Variants in NCOA1 observed in about 807,000 individuals in gnomAD.
NCOA1 encodes the protein Hin-2 protein.
NCOA1 carries 35 observed loss-of-function variants against 150.9 expected under a neutral mutation model. That is an observed-to-expected ratio of 0.23 (90% CI 0.18 to 0.31). NCOA1 has a LOEUF of 0.31. NCOA1 is among the 10% of genes least tolerant of loss of function. NCOA1 has a pLI of 1.00. For missense variants in NCOA1, 1,491 were observed against 1,749.3 expected (o/e 0.85, Z 2.63); for synonymous variants, 590 against 630.0 (o/e 0.94, Z 0.95).
intron 1 of NCOA1, among the ~76,000 whole-genome samples, chr2:24,519,737 G>A (rs954454151): frequency 3.3e-5 from 5 of 151,980 alleles, no homozygotes; most frequent in African/African-American, 9.7e-5. Context: ...TGAGATGGGA[G>A]GATTGTTTGT....
chr2:24,761,781 C>A (rs1340516290), intron 21 of NCOA1, among the ~76,000 whole-genome samples: 27 of 152,238 alleles, frequency 1.8e-4, no homozygotes, highest in South Asian at 1.0e-3. Context: ...TTGTTTACTG[C>A]GACCAAAGCA....
intron 7 of NCOA1, among the ~76,000 whole-genome samples, chr2:24,679,807 C>T (rs1346243978): frequency 2.0e-5 from 3 of 152,098 alleles, no homozygotes; most frequent in Non-Finnish European, 2.9e-5. Context: ...TTATTAATCA[C>T]GTCCCTATCT....
chr2:24,604,531 A>G (rs1558831264), intron 3 of NCOA1, among the ~76,000 whole-genome samples: 2 of 152,214 alleles, frequency 1.3e-5, no homozygotes, highest in African/African-American at 4.8e-5. Context: ...TTCACCTTGC[A>G]CTTTTATGTT....
At chr2:24,575,226 C>T (rs1240488778) in intron 2 of NCOA1, among the ~76,000 whole-genome samples, 1 of 151,966 alleles carries the variant, frequency 6.6e-6, no homozygotes. Context: ...ATTGCTATAT[C>T]TTTAAGTTAA....
At chr2:24,711,194 A>T (rs1393978114) in intron 14 of NCOA1, 83 bp downstream of exon 14, 1 of 1,321,728 alleles carries the variant, frequency 7.6e-7, no homozygotes, top group Non-Finnish European at 1.0e-6. Flanking sequence ...TATTACACAG[A>T]TCCTTTGCTT....
In NCOA1 at chr2:24,498,015, C is replaced by T. The variant is rs1446026735; in HGVS notation, c.-396+6413C>T. Among the ~76,000 whole-genome samples, 6 of 152,134 alleles carry T rather than the reference C, an allele frequency of 3.9e-5. 1 individual carries two copies. Among genetic ancestry groups the T allele is most frequent in the Admixed American group, 3.9e-4 (6 of 15,274 alleles). ...ATTTGATTATTTAACAGTAGGTATT[C>T]TATTGTGAATGTATGTATGTATATA... On this transcript the variant is annotated intron_variant, in intron 1 of 22. Coordinates refer to ENST00000348332, the MANE Select transcript of NCOA1 (RefSeq NM_003743.5).
At chr2:24,582,196 A>G (rs182021815) in intron 2 of NCOA1, among the ~76,000 whole-genome samples, 2 of 152,338 alleles carry the variant, frequency 1.3e-5, no homozygotes, top group Admixed American at 1.3e-4. Context: ...ATGATCTTAT[A>G]TATAGAAAAA....
intron 10 of NCOA1, 55 bp downstream of exon 10, chr2:24,693,402 CTT>C: frequency 7.1e-7 from 1 of 1,405,738 alleles, no homozygotes; most frequent in Non-Finnish European, 1.0e-6. Context: ...TGACTCTGCC[CTT>C]AAAACTAATT....
chr2:24,643,993 G>GT lies in NCOA1; in HGVS notation c.-146dup, dbSNP rs1279977776. The GT allele has an allele frequency of 1.3e-5, 2 of 152,044 alleles. No homozygotes were observed. Among genetic ancestry groups the GT allele is most frequent in the African/African-American group, 4.8e-5 (2 of 41,384 alleles). 9.4% of individuals were successfully genotyped at this position (152,044 alleles called of 1,614,324 possible). ...GTTTATATAATTGGCCTTAAATGAG[G>GT]TGAGAGTGAAGAGACTAGAGCCATC... is the stretch of plus-strand genomic sequence containing the variant. On this transcript the variant is annotated 5_prime_UTR_variant, in exon 4 of 23. An upstream open reading frame in the 5' UTR loses its in-frame stop. Coordinates refer to ENST00000348332, the MANE Select transcript of NCOA1 (RefSeq NM_003743.5).
intron 8 of NCOA1, among the ~76,000 whole-genome samples, chr2:24,687,642 A>C (rs539416258): frequency 6.6e-6 from 1 of 152,262 alleles, no homozygotes; most frequent in South Asian, 2.1e-4. Flanking sequence ...GGAGAGAGAG[A>C]GAGCAAAGGA....
chr2:24,562,909 A>G (rs1430922366), intron 1 of NCOA1, among the ~76,000 whole-genome samples: 1 of 152,214 alleles, frequency 6.6e-6, no homozygotes, highest in Non-Finnish European at 1.5e-5. Context: ...TGAATGACAA[A>G]TTGAAGAAGA....
chr2:24,570,051 C>CT (rs71397440), intron 2 of NCOA1, among the ~76,000 whole-genome samples: 14,594 of 122,076 alleles, frequency 0.12, 1,041 homozygotes, highest in East Asian at 0.2. Flanking sequence ...GTGGTATATA[C>CT]TTTTTTTTTT....
At position 24,741,916 on chromosome 2, in the gene NCOA1, C is replaced by T. The variant is rs759216369; in HGVS notation, c.3436C>T (p.Pro1146Ser). The change falls in exon 19 of 23, where the codon CCC becomes TCC. Residue 1146 changes from proline to serine, a missense_variant. Physicochemically the swap from Pro to Ser is moderately conservative, Grantham distance 74. This residue lies in a region of NCOA1 where 485 missense variants were observed against 522.8 expected (regional missense o/e 0.93). Transcript: ENST00000348332. ...RQQSFGNNLPPSSGLPVQMGN... is the reference protein window; with the variant it reads ...RQQSFGNNLPSSSGLPVQMGN... ...GCAAAGCTTTGGGAACAACCTCCCT[C>T]CCTCATCTGGACTACCAGTTCAAAT... 14 of 1,614,106 alleles carry T rather than the reference C, an allele frequency of 8.7e-6. No individual in the cohort carries two copies. The highest frequency in any genetic ancestry group is 4.0e-5 in the African/African-American group (3 of 74,930).
intron 14 of NCOA1, among the ~76,000 whole-genome samples, chr2:24,717,709 G>A (rs1329706984): frequency 6.6e-6 from 1 of 152,088 alleles, no homozygotes; most frequent in Non-Finnish European, 1.5e-5. Flanking sequence ...CACAAAGAGT[G>A]AACTCTAATG....
intron 1 of NCOA1, among the ~76,000 whole-genome samples, chr2:24,536,491 G>A (rs189005902): frequency 1.5e-3 from 223 of 152,216 alleles, no homozygotes; most frequent in Non-Finnish European, 1.4e-3. Context: ...GCTCTGTTCC[G>A]TTCCTGGCAA....
chr2:24,752,704 G>A (rs1489422703), intron 20 of NCOA1, among the ~76,000 whole-genome samples: 1 of 152,040 alleles, frequency 6.6e-6, no homozygotes, highest in African/African-American at 2.4e-5. Context: ...ACCAAGAATG[G>A]CAAATGTCAG....
chr2:24,721,692 C>T lies in NCOA1; in HGVS notation c.2600-4897C>T, dbSNP rs1256234398. On this transcript the variant is annotated intron_variant, in intron 14 of 22. Coordinates refer to ENST00000348332, the MANE Select transcript of NCOA1 (RefSeq NM_003743.5). Reference sequence around the variant, plus strand: ...AGCTGCACTCAGAGCAATGGCCTGGCAGCAGCTGTTCAGCCATCCATAATT... The same window carrying T: ...AGCTGCACTCAGAGCAATGGCCTGGTAGCAGCTGTTCAGCCATCCATAATT... Among the ~76,000 whole-genome samples the T allele has an allele frequency of 2.0e-5, 3 of 152,232 alleles. No individual in the cohort carries two copies. In the East Asian group the frequency reaches 5.8e-4, roughly 29 times the overall value.
At position 24,626,798 on chromosome 2, in the gene NCOA1, C is replaced by G. The variant is rs185603489; in HGVS notation, c.-174-17168C>G. Among the ~76,000 whole-genome samples the G allele has an allele frequency of 1.3e-3, 205 of 152,182 alleles. 1 individual carries two copies. Among genetic ancestry groups the G allele is most frequent in the Non-Finnish European group, 1.8e-3 (125 of 68,014 alleles). On this transcript the variant is annotated intron_variant, in intron 3 of 22. Coordinates refer to ENST00000348332, the MANE Select transcript of NCOA1 (RefSeq NM_003743.5). The stretch of plus-strand genomic sequence containing the variant: ...TAAGATTTTATATGTGGTCTTAGCT[C>G]AGATATTCCCCTAATATATAAACTC...
chr2:24,670,566 C>T (rs767747654), intron 6 of NCOA1, among the ~76,000 whole-genome samples: 4 of 151,988 alleles, frequency 2.6e-5, no homozygotes, highest in Non-Finnish European at 5.9e-5. Context: ...AAGAAGAAGC[C>T]GAGTCACATA....
Sources: allele counts gnomAD v4.1 joint callset (sites outside exome capture counted in the v4.1 genomes callset), GRCh38; gene constraint gnomAD v4.1.1; regional missense constraint gnomAD v4.1.1; transcripts MANE v1.5; gene names NCBI Gene and HGNC (gene_info 2026-07-23, HGNC 2026-07-21).